MBTD1: variants seen among roughly 807,000 people sequenced by gnomAD.
MBTD1 encodes MBT domain-containing protein 1.
A neutral mutation model predicts 87.8 loss-of-function variants in MBTD1; 24 were observed. That is an observed-to-expected ratio of 0.27 (90% CI 0.20 to 0.38). The LOEUF is 0.38. MBTD1 is among the 10% of genes least tolerant of loss of function. MBTD1 has a pLI of 1.00. For synonymous variants in MBTD1, 237 were observed against 248.6 expected (o/e 0.95, Z 0.44); for missense variants, 436 against 760.2 (o/e 0.57, Z 5.02).
chr17:51,222,666 A>C (rs1303634350), intron 3 of MBTD1, among the ~76,000 whole-genome samples: 1 of 151,788 alleles, frequency 6.6e-6, no homozygotes, highest in Non-Finnish European at 1.5e-5. Flanking sequence ...CCAAAGTACT[A>C]GGATTACAGG....
intron 2 of MBTD1, among the ~76,000 whole-genome samples, chr17:51,249,328 T>A (rs2054637744): frequency 6.6e-6 from 1 of 152,188 alleles, no homozygotes; most frequent in Non-Finnish European, 1.5e-5. Context: ...ATCTTTTATA[T>A]CCTTTTTTAC....
chr17:51,185,298 T>C (rs1352152607), intron 16 of MBTD1: 1 of 152,246 alleles, frequency 6.6e-6, no homozygotes, highest in Non-Finnish European at 1.5e-5. Flanking sequence ...AGCTGTATGA[T>C]CTGATCTGTA....
intron 2 of MBTD1, among the ~76,000 whole-genome samples, chr17:51,241,852 C>T (rs577465674): frequency 2.7e-4 from 41 of 152,312 alleles, no homozygotes; most frequent in African/African-American, 8.9e-4. Context: ...AGGCATGAGC[C>T]ACCATGCCCA....
chr17:51,243,996 C>T (rs1268040003), intron 2 of MBTD1, among the ~76,000 whole-genome samples: 1 of 152,184 alleles, frequency 6.6e-6, no homozygotes, highest in Non-Finnish European at 1.5e-5. Context: ...TCCTATCTGT[C>T]TCTCACTGGT....
At chr17:51,221,059 G>A (rs111695819) in intron 3 of MBTD1, among the ~76,000 whole-genome samples, 20 of 152,310 alleles carry the variant, frequency 1.3e-4, no homozygotes, top group Admixed American at 5.2e-4. Context: ...TTGGGAGGCC[G>A]AGGCAGGAGA....
chr17:51,246,101 T>C (rs1274074968), intron 2 of MBTD1, among the ~76,000 whole-genome samples: 1 of 152,246 alleles, frequency 6.6e-6, no homozygotes, highest in African/African-American at 2.4e-5. Flanking sequence ...AGTTTGAGTA[T>C]TCCTCATGCA....
At chr17:51,195,413 A>T in intron 12 of MBTD1, 52 bp from the exon 13 acceptor site, 1 of 1,401,322 alleles carries the variant, frequency 7.1e-7, no homozygotes, top group Non-Finnish European at 9.7e-7. Flanking sequence ...CACTATTATA[A>T]AAATAATACT....
intron 2 of MBTD1, among the ~76,000 whole-genome samples, chr17:51,239,292 A>G (rs142194572): frequency 0.019 from 2,839 of 152,304 alleles, 62 homozygotes; most frequent in African/African-American, 0.046. Flanking sequence ...TAATTCATTA[A>G]ATTTAAATTA....
intron 2 of MBTD1, among the ~76,000 whole-genome samples, chr17:51,228,490 G>GGA (rs1555691696): frequency 8.2e-6 from 1 of 121,304 alleles, no homozygotes; most frequent in South Asian, 2.4e-4. Flanking sequence ...TTCAAACCAC[G>GGA]AAAAAAAAAA....
chr17:51,186,718 G>T (rs1357170694), intron 16 of MBTD1, among the ~76,000 whole-genome samples: 1 of 148,588 alleles, frequency 6.7e-6, no homozygotes, highest in Non-Finnish European at 1.5e-5. Flanking sequence ...AGCTTGCAGT[G>T]AGCCGAGATC....
chr17:51,242,127 T>C (rs978246407), intron 2 of MBTD1, among the ~76,000 whole-genome samples: 1 of 152,232 alleles, frequency 6.6e-6, no homozygotes, highest in Non-Finnish European at 1.5e-5. Flanking sequence ...ATATAAGAAA[T>C]AAAGATCTAG....
At chr17:51,183,789 A>G (rs2050420175) in intron 16 of MBTD1, 2 of 152,224 alleles carry the variant, frequency 1.3e-5, no homozygotes, top group Non-Finnish European at 2.9e-5. Flanking sequence ...GGCCATTTTA[A>G]CAATACCTAG....
Position 51,225,127 on chromosome 17 carries a change from G to C in MBTD1, c.35C>G (p.Thr12Arg). Residue 12 changes from threonine to arginine, a missense_variant, in exon 3 of 17, where the codon ACA becomes AGA. Around this residue, in one of 5 missense-constraint regions of MBTD1, gnomAD observed 38 missense variants for 33.8 expected, o/e 1.12. Coordinates refer to ENST00000586178, the MANE Select transcript of MBTD1 (RefSeq NM_017643.3). ...FDGYDSCSED[T>R]SSSSSSEESE... ...CTCTTCGGAGCTGGAGCTGCTGCTT[G>C]TGTCCTCACTGCAGCTATCATAACC... 1 of 1,551,194 alleles carries C rather than the reference G, an allele frequency of 6.4e-7. No homozygotes were observed. Among genetic ancestry groups the C allele is most frequent in the Non-Finnish European group, 8.7e-7 (1 of 1,146,650 alleles).
Position 51,180,593 on chromosome 17 carries a change from T to C in MBTD1, c.1870A>G (p.Ile624Val), listed in dbSNP as rs1291907601. 1.4e-5 allele frequency: 22 copies of C among 1,547,214 alleles called. No individual in the cohort carries two copies. The highest frequency in any genetic ancestry group is 1.7e-5 in the Non-Finnish European group (20 of 1,143,058). The change falls in exon 17 of 17, where the codon ATC (isoleucine) becomes GTC (valine). Residue 624 changes from isoleucine (I) to valine (V), a missense_variant. Physicochemically the swap from Ile to Val is conservative, Grantham distance 29 (BLOSUM62 3). This residue lies in a region of MBTD1 where 32 missense variants were observed against 34.7 expected (regional missense o/e 0.92). Transcript: ENST00000586178. ...QESNGSANFYIKQEP is the reference protein window; with the variant it reads ...QESNGSANFYVKQEP ...AAGCCACCTCATGGCTCTTGTTTGA[T>C]GTAGAAGTTGGCAGAGCCATTGCTT...
rs1463672929 is a variant in MBTD1, at chr17:51,259,605, A to G, written c.-113+230T>C. Among the ~76,000 whole-genome samples the G allele has an allele frequency of 4.7e-5, 7 of 149,640 alleles. 1 individual carries two copies. Among genetic ancestry groups the G allele is most frequent in the Admixed American group, 4.6e-4 (7 of 15,154 alleles). On this transcript the variant is annotated intron_variant, in intron 1 of 16. Transcript: ENST00000586178. ...CTCGAATTTTTCTTCCAAAGGGTGGAGGAGATGGAGAGAACCCCAACGAGT... is the reference window on the plus strand; with the variant it reads ...CTCGAATTTTTCTTCCAAAGGGTGGGGGAGATGGAGAGAACCCCAACGAGT...
chr17:51,180,508 AGCTG>A lies in MBTD1; in HGVS notation c.*64_*67del. On this transcript the variant is annotated 3_prime_UTR_variant, in exon 17 of 17. Transcript: ENST00000586178. ...GTCCCAGTAGAGTAGCCCCCTGTAC[AGCTG>A]GATTGATTATAAATCAGTCCTGTGT... 1 of 728,782 alleles carries A rather than the reference AGCTG, an allele frequency of 1.4e-6. No homozygotes were observed. The highest frequency in any genetic ancestry group is 1.7e-5 in the South Asian group (1 of 60,230). The allele number at this position is 728,782 out of a possible 1,614,324, so 45.1% of individuals were successfully genotyped here.
At chr17:51,234,625 T>G (rs984271156) in intron 2 of MBTD1, among the ~76,000 whole-genome samples, 3 of 152,196 alleles carry the variant, frequency 2.0e-5, no homozygotes, top group Non-Finnish European at 4.4e-5. Context: ...TTCCCACAAA[T>G]GAAACTCTAG....
At chr17:51,260,487 C>A, upstream of MBTD1, 1 of 1,353,356 alleles carries the variant, frequency 7.4e-7, no homozygotes, top group Non-Finnish European at 9.9e-7. Context: ...AGGCTCCTTC[C>A]GGCCCCCGGG....
At chr17:51,234,601 A>G (rs2053728936) in intron 2 of MBTD1, among the ~76,000 whole-genome samples, 1 of 152,194 alleles carries the variant, frequency 6.6e-6, no homozygotes, top group African/African-American at 2.4e-5. Context: ...AAAAAACTAA[A>G]TTTGTTAAAG....
Sources: allele counts gnomAD v4.1 joint callset (sites outside exome capture counted in the v4.1 genomes callset), GRCh38; gene constraint gnomAD v4.1.1; regional missense constraint gnomAD v4.1.1; transcripts MANE v1.5; gene names NCBI Gene and HGNC (gene_info 2026-07-23, HGNC 2026-07-21).